COMMD10: variants seen among roughly 807,000 people sequenced by gnomAD.
The protein encoded by COMMD10 is COMM domain-containing protein 10.
COMMD10 carries 33 observed loss-of-function variants against 28.9 expected under a neutral mutation model. The ratio of observed to expected loss-of-function variants is 1.14; its 90% CI spans 0.87 to 1.53. The LOEUF (loss-of-function observed/expected upper bound fraction) is 1.53, where lower values mean the gene tolerates loss of function less well. Among genes scored for constraint, COMMD10 ranks in the 40% most tolerant of loss-of-function variants. The pLI, the probability that COMMD10 is intolerant of heterozygous loss-of-function variation, is 0.00. For synonymous variants in COMMD10, 110 were observed against 81.7 expected, an observed-to-expected ratio of 1.35 and a Z score of -1.87; for missense variants, 310 against 233.4, an observed-to-expected ratio of 1.33 and a Z score of -2.14.
chr5:116,185,437 A>G (rs944219877), intron 5 of COMMD10, among the ~76,000 whole-genome samples: 1 of 152,124 alleles, frequency 6.6e-6, no homozygotes, highest in Non-Finnish European at 1.5e-5. Flanking sequence ...GTGTATTACA[A>G]AAAAGCTTGA....
At chr5:116,179,672 C>G (rs1747879131) in intron 5 of COMMD10, among the ~76,000 whole-genome samples, 1 of 152,056 alleles carries the variant, frequency 6.6e-6, no homozygotes, top group South Asian at 2.1e-4. Flanking sequence ...TTGAAGCAGT[C>G]CTTGCAAACC....
intron 5 of COMMD10, among the ~76,000 whole-genome samples, chr5:116,267,872 G>T (rs571945123): frequency 1.3e-4 from 19 of 151,946 alleles, no homozygotes; most frequent in South Asian, 4.1e-4. Context: ...TTAATAAATG[G>T]TGCTGGGAAA....
intron 5 of COMMD10, among the ~76,000 whole-genome samples, chr5:116,230,912 T>A (rs906458177): frequency 1.3e-5 from 2 of 152,166 alleles, no homozygotes; most frequent in Non-Finnish European, 2.9e-5. Flanking sequence ...TTTCATACTG[T>A]CTTCCTCCTG....
At chr5:116,088,453 T>C (rs992354995) in intron 2 of COMMD10, among the ~76,000 whole-genome samples, 2 of 152,252 alleles carry the variant, frequency 1.3e-5, no homozygotes, top group Non-Finnish European at 2.9e-5. Flanking sequence ...AAATTTTTTT[T>C]CCTGAAACAA....
At chr5:116,114,089 T>G (rs368849983) in intron 4 of COMMD10, among the ~76,000 whole-genome samples, 2 of 152,256 alleles carry the variant, frequency 1.3e-5, no homozygotes, top group South Asian at 4.1e-4. Context: ...TGTTAGGGTG[T>G]GGGTTTTGAT....
intron 5 of COMMD10, among the ~76,000 whole-genome samples, chr5:116,206,401 A>G (rs1267350773): frequency 6.6e-6 from 1 of 152,176 alleles, no homozygotes; most frequent in Admixed American, 6.5e-5. Flanking sequence ...TTGTAATCCC[A>G]GCACTTTGGG....
In COMMD10 at chr5:116,119,722, C is replaced by G. The variant is rs1009753572; in HGVS notation, c.400-14346C>G. 2.6e-5 allele frequency among the ~76,000 whole-genome samples: 4 copies of G among 152,008 alleles called. No homozygotes were observed. In the South Asian group the frequency reaches 8.5e-4, roughly 32 times the overall value. ...AAACTCCTAGGCTCAAGGGATCCTCCTGCCTCAGCTTCCCAAGTAACTAGG... is the reference window on the plus strand; with the variant it reads ...AAACTCCTAGGCTCAAGGGATCCTCGTGCCTCAGCTTCCCAAGTAACTAGG... On this transcript the variant is annotated intron_variant, in intron 4 of 6. Transcript: ENST00000274458.
At chr5:116,225,767 A>G (rs572502124) in intron 5 of COMMD10, among the ~76,000 whole-genome samples, 9 of 151,946 alleles carry the variant, frequency 5.9e-5, no homozygotes, top group Non-Finnish European at 1.2e-4. Context: ...TGATTGAAAA[A>G]TGTTCTCAGT....
At chr5:116,118,130 A>G (rs1286613886) in intron 4 of COMMD10, among the ~76,000 whole-genome samples, 2 of 152,118 alleles carry the variant, frequency 1.3e-5, no homozygotes, top group African/African-American at 2.4e-5. Context: ...GTTCTGCTGG[A>G]TGTTCATAGG....
chr5:116,292,694 A>G lies in COMMD10; in HGVS notation c.*205A>G. The stretch of plus-strand genomic sequence containing the variant: ...CTAATATACTTTCTTTAGTTCTGTG[A>G]GCCAACAGTAATTATTAAGAACACT... On this transcript the variant is annotated 3_prime_UTR_variant, in exon 7 of 7. Coordinates refer to ENST00000274458, the MANE Select transcript of COMMD10 (RefSeq NM_016144.4). 2.4e-6 allele frequency: 1 copy of G among 418,738 alleles called. No homozygotes were observed. Among genetic ancestry groups the G allele is most frequent in the Non-Finnish European group, 4.2e-6 (1 of 236,176 alleles). The allele number at this position is 418,738 out of a possible 1,614,324, so 25.9% of individuals were successfully genotyped here.
intron 5 of COMMD10, among the ~76,000 whole-genome samples, chr5:116,219,156 C>A (rs77060947): frequency 0.054 from 8,218 of 152,164 alleles, 326 homozygotes; most frequent in African/African-American, 0.11. Context: ...CTTGGACTTT[C>A]AGCTTCCAGA....
At chr5:116,092,794 G>C in intron 4 of COMMD10, 94 bp downstream of exon 4, 1 of 933,546 alleles carries the variant, frequency 1.1e-6, no homozygotes, top group South Asian at 2.8e-5. Flanking sequence ...ATTTTGTTGA[G>C]AGGTAGAGTC....
At chr5:116,085,427 C>G (rs1750061495) in intron 1 of COMMD10, 1 of 348,050 alleles carries the variant, frequency 2.9e-6, no homozygotes, top group Admixed American at 4.8e-5. Context: ...TCAGTGCTGC[C>G]GAATCACGTG....
chr5:116,214,735 C>A (rs1326825815), intron 5 of COMMD10, among the ~76,000 whole-genome samples: 1 of 151,988 alleles, frequency 6.6e-6, no homozygotes, highest in Non-Finnish European at 1.5e-5. Context: ...TTTTGGGACT[C>A]CAGGCCTCAG....
chr5:116,132,311 G>A (rs977222358), intron 4 of COMMD10, among the ~76,000 whole-genome samples: 31 of 152,276 alleles, frequency 2.0e-4, no homozygotes, highest in African/African-American at 7.2e-4. Context: ...AGGTAGTTCA[G>A]ATGGATTTAT....
intron 5 of COMMD10, among the ~76,000 whole-genome samples, chr5:116,290,265 G>A (rs913463291): frequency 5.3e-5 from 8 of 151,838 alleles, no homozygotes; most frequent in African/African-American, 1.9e-4. Flanking sequence ...AATGATGTGT[G>A]ACAGCCAATG....
intron 4 of COMMD10, among the ~76,000 whole-genome samples, chr5:116,095,511 CT>C (rs1336904310): frequency 2.0e-5 from 3 of 152,176 alleles, no homozygotes; most frequent in Non-Finnish European, 4.4e-5. Flanking sequence ...CAAGGAGCAT[CT>C]GTATATTCTC....
chr5:116,221,093 T>G (rs527563478), intron 5 of COMMD10, among the ~76,000 whole-genome samples: 1 of 152,116 alleles, frequency 6.6e-6, no homozygotes, highest in East Asian at 1.9e-4. Context: ...TTTTTTTTTT[T>G]TTTTTAACTG....
chr5:116,126,161 A>G (rs548524197), intron 4 of COMMD10, among the ~76,000 whole-genome samples: 1 of 152,140 alleles, frequency 6.6e-6, no homozygotes. Flanking sequence ...TGACGAGTGA[A>G]CTCCCATTCA....
Sources: allele counts gnomAD v4.1 joint callset (sites outside exome capture counted in the v4.1 genomes callset), GRCh38; gene constraint gnomAD v4.1.1; transcripts MANE v1.5; gene names NCBI Gene and HGNC (gene_info 2026-07-23, HGNC 2026-07-21).